Variants in CLDN14 observed in about 807,000 individuals in gnomAD.
CLDN14 encodes claudin-14.
Under a neutral mutation model 2.1 loss-of-function variants are expected in CLDN14, and 2 were observed. The observed-to-expected ratio is 0.96, with a 90% CI of 0.39 to 3.01. The LOEUF is 3.01. Ranked by LOEUF, CLDN14 falls within the 30% of genes most tolerant of loss-of-function variation. The pLI is 0.09. For missense variants in CLDN14, 298 were observed against 328.0 expected, an observed-to-expected ratio of 0.91 and a Z score of 0.71; for synonymous variants, 136 against 154.4, an observed-to-expected ratio of 0.88 and a Z score of 0.88.
chr21:36,488,244 T>TCCTTCCTC (rs1303898913), intron 2 of CLDN14, among the ~76,000 whole-genome samples: 1 of 146,872 alleles, frequency 6.8e-6, no homozygotes, highest in African/African-American at 2.6e-5. Context: ...CTTCCTTCCT[T>TCCTTCCTC]CCTTCCTTCC....
chr21:36,552,079 G>A (rs2146517887), intron 1 of CLDN14, among the ~76,000 whole-genome samples: 1 of 152,326 alleles, frequency 6.6e-6, no homozygotes, highest in Non-Finnish European at 1.5e-5. Flanking sequence ...AACTGATTAT[G>A]TTCCTCAGAA....
At chr21:36,546,889 C>T (rs1310705118) in intron 1 of CLDN14, among the ~76,000 whole-genome samples, 3 of 152,168 alleles carry the variant, frequency 2.0e-5, no homozygotes, top group African/African-American at 4.8e-5. Context: ...GTTGCCTCCC[C>T]ACCCCTAAGA....
intron 1 of CLDN14, among the ~76,000 whole-genome samples, chr21:36,573,179 TA>T (rs768351043): frequency 3.3e-5 from 5 of 151,770 alleles, no homozygotes; most frequent in Non-Finnish European, 7.4e-5. Context: ...TGGGCGCCTG[TA>T]GTCCCAGCTA....
At chr21:36,516,664 G>A (rs1308359135) in intron 1 of CLDN14, among the ~76,000 whole-genome samples, 1 of 152,190 alleles carries the variant, frequency 6.6e-6, no homozygotes, top group East Asian at 1.9e-4. Flanking sequence ...AAAACAAAAA[G>A]TTTGAAAAGC....
At chr21:36,519,973 C>T (rs921627415) in intron 1 of CLDN14, among the ~76,000 whole-genome samples, 2 of 152,110 alleles carry the variant, frequency 1.3e-5, no homozygotes, top group African/African-American at 4.8e-5. Context: ...AACAAATGAC[C>T]ACGAGCTATG....
In CLDN14 at chr21:36,461,010, G is replaced by T; in HGVS notation, c.686C>A (p.Thr229Lys). ...DNRAPSVTSA[T>K]HSGYRLNDYV is the part of the protein sequence containing the mutation. ...GTCGTTCAGCCTGTACCCGCTGTGC[G>T]TGGCCGAGGTCACTGAGGGGGCCCG... Residue 229 changes from threonine to lysine, a missense_variant, in exon 2 of 2, where the codon ACG (threonine) becomes AAG (lysine). Physicochemically the swap from Thr to Lys is moderately conservative, Grantham distance 78. Transcript: ENST00000399135. 1.2e-6 allele frequency: 2 copies of T among 1,613,350 alleles called. No homozygotes were observed. The highest frequency in any genetic ancestry group is 1.7e-6 in the Non-Finnish European group (2 of 1,179,966).
At chr21:36,506,316 G>T (rs1381992553) in intron 2 of CLDN14, among the ~76,000 whole-genome samples, 1 of 152,224 alleles carries the variant, frequency 6.6e-6, no homozygotes, top group Non-Finnish European at 1.5e-5. Flanking sequence ...AACAAATGCA[G>T]TCAGGTACGG....
At chr21:36,477,597 C>T (rs1243570962) in intron 1 of CLDN14, 2 of 152,054 alleles carry the variant, frequency 1.3e-5, no homozygotes, top group African/African-American at 2.4e-5. Flanking sequence ...GGTGGCTCGC[C>T]TCTTTGCACA....
In CLDN14 at chr21:36,564,825, G is replaced by A. The variant is rs429326; in HGVS notation, c.-220+11586C>T. On this transcript the variant is annotated intron_variant, in intron 1 of 2. Transcript: ENST00000342108. Reference sequence around the variant, plus strand: ...TGAAGGAGAGAGGCAGAAAGTCAGAGCCAGTGTGATGTGAGTGAGAAAGAC... The same window carrying A: ...TGAAGGAGAGAGGCAGAAAGTCAGAACCAGTGTGATGTGAGTGAGAAAGAC... 3.7e-4 allele frequency among the ~76,000 whole-genome samples: 57 copies of A among 152,116 alleles called. 2 individuals are homozygous for A. Among genetic ancestry groups the A allele is most frequent in the Admixed American group, 3.0e-3 (46 of 15,290 alleles).
At chr21:36,507,485 C>A (rs34494383) in intron 2 of CLDN14, among the ~76,000 whole-genome samples, 1 of 152,116 alleles carries the variant, frequency 6.6e-6, no homozygotes, top group Non-Finnish European at 1.5e-5. Flanking sequence ...AAAGGTTGAC[C>A]GGACGTGGTG....
intron 1 of CLDN14, among the ~76,000 whole-genome samples, chr21:36,565,290 TG>T (rs1383097524): frequency 6.6e-6 from 1 of 152,212 alleles, no homozygotes; most frequent in Non-Finnish European, 1.5e-5. Flanking sequence ...GCTGTGAGAA[TG>T]GGCATGAGGT....
intron 1 of CLDN14, among the ~76,000 whole-genome samples, chr21:36,468,900 C>T (rs927606164): frequency 1.3e-5 from 2 of 151,984 alleles, no homozygotes; most frequent in African/African-American, 2.4e-5. Context: ...GCTGGGATTA[C>T]AGGCCCCCAC....
chr21:36,536,639 G>A (rs1033328982), intron 1 of CLDN14, among the ~76,000 whole-genome samples: 14 of 152,256 alleles, frequency 9.2e-5, no homozygotes, highest in East Asian at 7.7e-4. Context: ...GAAATTTTGC[G>A]TTTAGTTATA....
chr21:36,472,470 G>T lies in CLDN14; in HGVS notation c.-82+7025C>A, dbSNP rs115456476. On this transcript the variant is annotated intron_variant, in intron 1 of 1. Coordinates refer to ENST00000399135, the MANE Select transcript of CLDN14 (RefSeq NM_001146079.2). Reference sequence around the variant, plus strand: ...TGTCAACTTGGCTGGGCCATGGGGTGCCCAGATATATGATTGAACACTATT... The same window carrying T: ...TGTCAACTTGGCTGGGCCATGGGGTTCCCAGATATATGATTGAACACTATT... Among the ~76,000 whole-genome samples, 886 of 152,306 alleles carry T rather than the reference G, an allele frequency of 5.8e-3. 7 individuals carry two copies. Among genetic ancestry groups the T allele is most frequent in the African/African-American group, 0.019 (775 of 41,576 alleles).
intron 1 of CLDN14, among the ~76,000 whole-genome samples, chr21:36,462,266 C>T (rs768092897): frequency 2.5e-4 from 38 of 152,262 alleles, no homozygotes; most frequent in Non-Finnish European, 4.7e-4. Context: ...GAGGTTTAGT[C>T]CCCTCGGCAA....
chr21:36,470,508 C>G (rs1395436600), intron 1 of CLDN14, among the ~76,000 whole-genome samples: 2 of 152,214 alleles, frequency 1.3e-5, no homozygotes, highest in Non-Finnish European at 2.9e-5. Flanking sequence ...TGCTCCCTCA[C>G]AGCCCTGGAA....
chr21:36,486,177 T>C, intron 2 of CLDN14: 1 of 1,103,956 alleles, frequency 9.1e-7, no homozygotes, highest in Non-Finnish European at 1.4e-6. Context: ...CAAGTGTCCA[T>C]GGCTGAGCTG....
chr21:36,562,229 T>C (rs1048679846), intron 1 of CLDN14, among the ~76,000 whole-genome samples: 8 of 152,084 alleles, frequency 5.3e-5, no homozygotes, highest in African/African-American at 1.9e-4. Context: ...TGGGTACTGT[T>C]GAAAGAGGGT....
At chr21:36,521,996 A>T (rs1194893059) in intron 1 of CLDN14, among the ~76,000 whole-genome samples, 1 of 152,182 alleles carries the variant, frequency 6.6e-6, no homozygotes, top group Non-Finnish European at 1.5e-5. Context: ...CATGTCAGCT[A>T]AAAAATTCCC....
Sources: allele counts gnomAD v4.1 joint callset (sites outside exome capture counted in the v4.1 genomes callset), GRCh38; gene constraint gnomAD v4.1.1; transcripts MANE v1.5; gene names NCBI Gene and HGNC (gene_info 2026-07-23, HGNC 2026-07-21).